Variants in RFWD3 observed in about 807,000 individuals in gnomAD.
The protein encoded by RFWD3 is E3 ubiquitin-protein ligase RFWD3.
In RFWD3, 65 loss-of-function variants were observed where a neutral mutation model predicts 87.7. The ratio of observed to expected loss-of-function variants is 0.74; its 90% CI spans 0.61 to 0.91. The LOEUF is 0.91. Ranked by LOEUF, RFWD3 falls within the 40% of genes least tolerant of loss-of-function variation. The probability of loss-of-function intolerance (pLI) is 0.00; values close to 1 mark genes in which losing one functional copy is unlikely to be tolerated. For synonymous variants in RFWD3, 433 were observed against 352.8 expected, an observed-to-expected ratio of 1.23 and a Z score of -2.55; for missense variants, 1,078 against 938.5, an observed-to-expected ratio of 1.15 and a Z score of -1.94.
intron 4 of RFWD3, among the ~76,000 whole-genome samples, chr16:74,645,930 A>T (rs1165883066): frequency 6.6e-6 from 1 of 150,888 alleles, no homozygotes; most frequent in Non-Finnish European, 1.5e-5. Flanking sequence ...GTGTATTTTT[A>T]GTAGAGACGG....
intron 4 of RFWD3, among the ~76,000 whole-genome samples, chr16:74,648,612 A>G (rs1360818207): frequency 1.3e-5 from 2 of 151,544 alleles, no homozygotes; most frequent in Non-Finnish European, 2.9e-5. Context: ...CTCTAACTTA[A>G]AAGACAAAAA....
At chr16:74,652,735 G>C (rs1371357588) in intron 2 of RFWD3, among the ~76,000 whole-genome samples, 3 of 152,196 alleles carry the variant, frequency 2.0e-5, no homozygotes, top group South Asian at 2.1e-4. Context: ...ATCTTGGCTG[G>C]CTGAGTTTAA....
At chr16:74,655,291 G>C (rs1465912305) in intron 2 of RFWD3, among the ~76,000 whole-genome samples, 1 of 151,866 alleles carries the variant, frequency 6.6e-6, no homozygotes, top group African/African-American at 2.4e-5. Context: ...CCAGGTTAGA[G>C]TGCAGTGGCG....
intron 3 of RFWD3, 101 bp downstream of exon 3, chr16:74,651,819 A>G: frequency 9.8e-7 from 1 of 1,024,138 alleles, no homozygotes; most frequent in South Asian, 1.5e-5. Flanking sequence ...TTTAGGGGAG[A>G]AAAGGGAAAG....
intron 3 of RFWD3, among the ~76,000 whole-genome samples, chr16:74,651,627 A>G (rs927660012): frequency 1.3e-5 from 2 of 152,200 alleles, no homozygotes; most frequent in African/African-American, 4.8e-5. Flanking sequence ...CTTGCCTCAA[A>G]AAAGAAAAAA....
chr16:74,632,829 T>C, intron 8 of RFWD3, 156 bp from the exon 9 acceptor site: 1 of 648,578 alleles, frequency 1.5e-6, no homozygotes, highest in South Asian at 1.9e-5. Context: ...TACAATTTAT[T>C]CATTTATTTT....
In RFWD3 at chr16:74,653,425, G is replaced by A. The variant is rs567563272; in HGVS notation, c.519-1303C>T. ...GAGCCCGAGAGTTTGAGGCCACAGA[G>A]AGTGAGCGAGCTATGGTTGTGCTAC... On this transcript the variant is annotated intron_variant, in intron 2 of 12. Transcript: ENST00000361070. 2.6e-4 allele frequency among the ~76,000 whole-genome samples: 39 copies of A among 152,002 alleles called. No homozygotes were observed. In the South Asian group the frequency reaches 4.2e-3, roughly 16 times the overall value.
chr16:74,624,214 G>T, intron 12 of RFWD3, 143 bp from the exon 13 acceptor site: 1 of 927,206 alleles, frequency 1.1e-6, no homozygotes, highest in Non-Finnish European at 1.6e-6. Flanking sequence ...CCTTTGCAAG[G>T]TTGTTCAAAG....
rs185276190 is a variant in RFWD3, at chr16:74,647,373, C to T, written c.792+1759G>A. 1.5e-3 allele frequency among the ~76,000 whole-genome samples: 221 copies of T among 152,164 alleles called. 1 individual carries two copies. The South Asian group carries it at 0.015, about 11-fold the overall frequency. ...CACAATCTCGGCTCACCACAACCTCCGCCTCTCAGATTCAAGTGACTCTCC... is the reference window on the plus strand; with the variant it reads ...CACAATCTCGGCTCACCACAACCTCTGCCTCTCAGATTCAAGTGACTCTCC... On this transcript the variant is annotated intron_variant, in intron 4 of 12. Coordinates refer to ENST00000361070, the MANE Select transcript of RFWD3 (RefSeq NM_018124.4).
In RFWD3 at chr16:74,628,635, T is replaced by C. The variant is rs983705838; in HGVS notation, c.1786A>G (p.Arg596Gly). 5.0e-6 allele frequency: 8 copies of C among 1,614,050 alleles called. No individual in the cohort carries two copies. The highest frequency in any genetic ancestry group is 5.9e-6 in the Non-Finnish European group (7 of 1,180,042). ...TATGGAAATGCAGCTGAGGCAGCTC[T>C]GGGCATGTATGACAGGGAGACCAGT... ...CPLVSLSYMP[R>G]AASAAFPYGG... The change falls in exon 11 of 13, where the codon AGA (arginine) becomes GGA (glycine). Residue 596 changes from arginine to glycine, a missense_variant. Coordinates refer to ENST00000361070, the MANE Select transcript of RFWD3 (RefSeq NM_018124.4).
At chr16:74,636,703 A>G in intron 7 of RFWD3, 126 bp from the exon 8 acceptor site, 1 of 739,934 alleles carries the variant, frequency 1.4e-6, no homozygotes, top group Non-Finnish European at 2.2e-6. Flanking sequence ...TGAATCCTAG[A>G]GAACTGCAGA....
At chr16:74,642,625 G>A (rs1959759284) in intron 6 of RFWD3, among the ~76,000 whole-genome samples, 1 of 152,022 alleles carries the variant, frequency 6.6e-6, no homozygotes, top group Non-Finnish European at 1.5e-5. Context: ...CTGAGTAGCT[G>A]AGACTACAGG....
chr16:74,663,181 G>A (rs1292027604), intron 1 of RFWD3, among the ~76,000 whole-genome samples: 1 of 152,088 alleles, frequency 6.6e-6, no homozygotes, highest in African/African-American at 2.4e-5. Flanking sequence ...TCGGATTATA[G>A]GCATGAGCCA....
intron 8 of RFWD3, among the ~76,000 whole-genome samples, chr16:74,634,920 T>C (rs994479135): frequency 2.8e-4 from 42 of 152,024 alleles, no homozygotes; most frequent in African/African-American, 9.6e-4. Flanking sequence ...GATGGGTGAA[T>C]CACCTGAGGT....
chr16:74,652,785 A>G (rs1960662502), intron 2 of RFWD3, among the ~76,000 whole-genome samples: 1 of 152,216 alleles, frequency 6.6e-6, no homozygotes, highest in Non-Finnish European at 1.5e-5. Context: ...AACTCCTGGA[A>G]TAACAAGGCA....
chr16:74,642,500 G>T (rs1959748183), intron 6 of RFWD3, among the ~76,000 whole-genome samples: 1 of 150,734 alleles, frequency 6.6e-6, no homozygotes, highest in African/African-American at 2.4e-5. Flanking sequence ...CTGGTCAACA[G>T]ATTTATCTTT....
chr16:74,664,069 A>AT (rs1170525814), intron 1 of RFWD3, among the ~76,000 whole-genome samples: 1 of 152,214 alleles, frequency 6.6e-6, no homozygotes, highest in East Asian at 1.9e-4. Context: ...AGTACTGAAA[A>AT]TAAGTGGGAA....
chr16:74,627,472 G>A (rs1958971708), intron 11 of RFWD3, among the ~76,000 whole-genome samples: 1 of 151,772 alleles, frequency 6.6e-6, no homozygotes, highest in South Asian at 2.1e-4. Flanking sequence ...ATTGGCCCCT[G>A]AAGCATGCTG....
At position 74,630,798 on chromosome 16, in the gene RFWD3, TAACTCCTGC is replaced by T; in HGVS notation, c.1728_1736del (p.Gln577_Leu579del). On this transcript the variant is annotated inframe_deletion, in exon 10 of 13. Coordinates refer to ENST00000361070, the MANE Select transcript of RFWD3 (RefSeq NM_018124.4). ...CTCCCTACCTGGCTTTCTGAGCTAC[TAACTCCTGC>T]ACATGACTGCTCGTGTTTCGCACGT... is the stretch of plus-strand genomic sequence containing the variant. 6.2e-7 allele frequency: 1 copy of T among 1,604,384 alleles called. No homozygotes were observed. Among genetic ancestry groups the T allele is most frequent in the Non-Finnish European group, 8.5e-7 (1 of 1,176,272 alleles).
Sources: allele counts gnomAD v4.1 joint callset (sites outside exome capture counted in the v4.1 genomes callset), GRCh38; gene constraint gnomAD v4.1.1; transcripts MANE v1.5; gene names NCBI Gene and HGNC (gene_info 2026-07-23, HGNC 2026-07-21).